The following GTPBP6 variants were observed in gnomAD, a reference collection of about 807,000 sequenced individuals.
The protein encoded by GTPBP6 is GTP binding protein 6, also known as putative GTP-binding protein 6.
Under a neutral mutation model 28.9 loss-of-function variants are expected in GTPBP6, and 33 were observed. That is an observed-to-expected ratio of 1.14 (90% CI 0.87 to 1.53). The LOEUF (loss-of-function observed/expected upper bound fraction) is 1.53. Ranked by LOEUF, GTPBP6 falls within the 40% of genes most tolerant of loss-of-function variation. The pLI is 0.00. For missense variants in GTPBP6, 507 were observed against 408.3 expected (o/e 1.24, Z -2.08); for synonymous variants, 231 against 192.7 (o/e 1.20, Z -1.65).
In GTPBP6 at chrX:307,515, G is replaced by A. The variant is rs767993445; in HGVS notation, c.1275-3C>T. ...CGTTCGGTTCCGTGGGGCTGTACCT[G>A]CAAGGGTGGGGATGTCACAGGCCCC... On this transcript the variant is annotated splice_polypyrimidine_tract_variant and splice_region_variant and intron_variant, in intron 8 of 9. Coordinates refer to ENST00000326153, the Ensembl canonical transcript of GTPBP6. The A allele has an allele frequency of 6.2e-7, 1 of 1,610,532 alleles. No individual in the cohort carries two copies. Among genetic ancestry groups the A allele is most frequent in the Non-Finnish European group, 8.5e-7 (1 of 1,179,304 alleles).
exon 6 of GTPBP6, chrX:312,829 G>C (rs753433187): frequency 6.2e-7 from 1 of 1,612,738 alleles, no homozygotes; most frequent in Admixed American, 1.7e-5. Flanking sequence ...TGCCGGCGGA[G>C]CAGGTGCCTC....
chrX:317,515 CTCTG>C (rs1257779835), intron 1 of GTPBP6, among the ~76,000 whole-genome samples: 4 of 138,510 alleles, frequency 2.9e-5, no homozygotes, highest in Non-Finnish European at 6.0e-5. Flanking sequence ...CTTTATGAGA[CTCTG>C]ACACGTGCAG....
intron 9 of GTPBP6, among the ~76,000 whole-genome samples, chrX:305,523 G>A (rs57885641): frequency 0.025 from 3,820 of 151,150 alleles, 148 homozygotes; most frequent in African/African-American, 0.087. Flanking sequence ...GGGTTTCACC[G>A]TGTTAGCCAG....
At chrX:315,832 AG>A (rs2070425981) in intron 2 of GTPBP6, among the ~76,000 whole-genome samples, 3 of 97,802 alleles carry the variant, frequency 3.1e-5, no homozygotes, top group Non-Finnish European at 4.2e-5. Context: ...ACACACACAC[AG>A]TAAACACATC....
At chrX:316,461 C>T (rs1455771201) in intron 2 of GTPBP6, among the ~76,000 whole-genome samples, 1 of 152,172 alleles carries the variant, frequency 6.6e-6, no homozygotes, top group Admixed American at 6.5e-5. Flanking sequence ...CGACCCCCAC[C>T]TGGGCAAGTG....
At chrX:317,810 T>TC (rs1173825294) in intron 1 of GTPBP6, among the ~76,000 whole-genome samples, 55 of 55,218 alleles carry the variant, frequency 1.0e-3, no homozygotes, top group African/African-American at 2.9e-3. Context: ...CATAGGCCCC[T>TC]CCCCCGAAGC....
intron 1 of GTPBP6, among the ~76,000 whole-genome samples, chrX:317,566 G>GGTGGA (rs2070460567): frequency 1.1e-4 from 12 of 108,630 alleles, no homozygotes; most frequent in African/African-American, 5.0e-4. Flanking sequence ...GGGGGGTGGG[G>GGTGGA]GGTGGGACTA....
chrX:315,208 G>T lies in GTPBP6; in HGVS notation c.558+21C>A, dbSNP rs1195153686. 7.5e-6 allele frequency: 3 copies of T among 398,660 alleles called. No homozygotes were observed. The Admixed American group carries it at 1.3e-4, about 18-fold the overall frequency. The allele number at this position is 398,660 out of a possible 1,614,324, so 24.7% of individuals were successfully genotyped here. A position where few individuals can be genotyped will look rare whatever the true frequency, so the allele number is the denominator to read the frequency against. ...CGCGTGGAGTGCGGGGACAAACACAGCAAGCCACATCCTGTGGTACCTTGG... is the reference window on the plus strand; with the variant it reads ...CGCGTGGAGTGCGGGGACAAACACATCAAGCCACATCCTGTGGTACCTTGG... On this transcript the variant is annotated intron_variant, in intron 3 of 9. Coordinates refer to ENST00000326153, the Ensembl canonical transcript of GTPBP6.
intron 5 of GTPBP6, among the ~76,000 whole-genome samples, chrX:313,790 C>T (rs953080916): frequency 6.6e-6 from 1 of 152,138 alleles, no homozygotes; most frequent in African/African-American, 2.4e-5. Flanking sequence ...GCAGAAGGAG[C>T]CCCTGGAGGG....
intron 7 of GTPBP6, among the ~76,000 whole-genome samples, chrX:308,380 T>G (rs1393664266): frequency 6.6e-6 from 1 of 152,150 alleles, no homozygotes; most frequent in Non-Finnish European, 1.5e-5. Flanking sequence ...ACTACCGGGG[T>G]ATCCACGTCT....
chrX:306,932 A>G (rs35230171), intron 9 of GTPBP6, among the ~76,000 whole-genome samples: 37,797 of 130,678 alleles, frequency 0.29, 8,348 homozygotes, highest in South Asian at 0.52. Context: ...GTATGCAGTC[A>G]GAAATGTACA....
chrX:314,613 C>G (rs2070392869), intron 4 of GTPBP6, among the ~76,000 whole-genome samples: 1 of 152,034 alleles, frequency 6.6e-6, no homozygotes, highest in Non-Finnish European at 1.5e-5. Context: ...GCTGGGATTT[C>G]AGGCGCCCGC....
exon 10 of GTPBP6, chrX:304,956 A>G (rs1182413224): frequency 9.3e-6 from 14 of 1,500,504 alleles, no homozygotes; most frequent in Non-Finnish European, 1.2e-5. Context: ...AGACGGGTGC[A>G]GAACCAGACA....
intron 7 of GTPBP6, among the ~76,000 whole-genome samples, chrX:309,208 G>C (rs1027533695): frequency 6.6e-6 from 1 of 152,166 alleles, no homozygotes; most frequent in South Asian, 2.1e-4. Context: ...CTGCCTTGTT[G>C]CTTGACAATA....
At chrX:313,548 A>G (rs1042710638) in intron 5 of GTPBP6, among the ~76,000 whole-genome samples, 18 of 152,088 alleles carry the variant, frequency 1.2e-4, no homozygotes, top group South Asian at 8.3e-4. Context: ...TAATTCCCAG[A>G]ACTGGTCAAT....
exon 10 of GTPBP6, chrX:304,834 C>CT: frequency 7.1e-7 from 1 of 1,401,268 alleles, no homozygotes; most frequent in Middle Eastern, 2.7e-4. Flanking sequence ...CGAGGGCCCA[C>CT]TGGAATTGTG....
In GTPBP6 at chrX:307,923, C is replaced by T. The variant is rs769101525; in HGVS notation, c.1126-43G>A. ...GGGTCAGAGCTGCGGAGCCTCTGGTCCCTGACCCCAAGCTTGCAGACAGGC... is the reference window on the plus strand; with the variant it reads ...GGGTCAGAGCTGCGGAGCCTCTGGTTCCTGACCCCAAGCTTGCAGACAGGC... On this transcript the variant is annotated intron_variant, in intron 7 of 9. Transcript: ENST00000326153. 3.4e-6 allele frequency: 5 copies of T among 1,454,094 alleles called. No individual in the cohort carries two copies. The African/African-American group carries it at 5.7e-5, about 17-fold the overall frequency. The allele number at this position is 1,454,094 out of a possible 1,614,324, so 90.1% of individuals were successfully genotyped here. A position where few individuals can be genotyped will look rare whatever the true frequency, so the allele number is the denominator to read the frequency against.
chrX:305,432 C>G (rs28642329), intron 9 of GTPBP6, among the ~76,000 whole-genome samples: 181 of 150,798 alleles, frequency 1.2e-3, no homozygotes, highest in African/African-American at 3.8e-3. Context: ...AGTGATTCTC[C>G]TGCCTCAGCC....
Position 317,032 on chromosome X carries a change from CT to C in GTPBP6, c.368del (p.Glu123GlyfsTer39), listed in dbSNP as rs1484873446. ...CCAGCGTGTGCACCAGCGCTGTGGC[CT>C]CCGCCACCTGCCACTCGGCTGCGGG... is the stretch of plus-strand genomic sequence containing the variant. On this transcript the variant is annotated frameshift_variant, in exon 2 of 10. Coordinates refer to ENST00000326153, the Ensembl canonical transcript of GTPBP6. LOFTEE classifies it high-confidence loss of function. The C allele has an allele frequency of 2.5e-6, 1 of 398,474 alleles. No individual in the cohort carries two copies. The highest frequency in any genetic ancestry group is 4.4e-6 in the Non-Finnish European group (1 of 226,110). The allele number at this position is 398,474 out of a possible 1,614,324, so 24.7% of individuals were successfully genotyped here.
Sources: gnomAD v4.1 joint callset for allele counts (sites outside exome capture counted in the v4.1 genomes callset) on GRCh38, gnomAD v4.1.1 for gene constraint, MANE v1.5 for transcripts, NCBI Gene and HGNC (gene_info 2026-07-23, HGNC 2026-07-21) for gene names.